DCC: variants seen among roughly 807,000 people sequenced by gnomAD.
DCC encodes the protein DCC netrin 1 receptor, also known as netrin receptor DCC.
A neutral mutation model predicts 172.5 loss-of-function variants in DCC; 58 were observed. The observed-to-expected ratio is 0.34, with a 90% confidence interval of 0.27 to 0.42. The LOEUF (loss-of-function observed/expected upper bound fraction) is 0.42. Among genes scored for constraint, DCC ranks in the 10% least tolerant of loss-of-function variants. DCC has a pLI of 1.00. For synonymous variants in DCC, 709 were observed against 644.5 expected (o/e 1.10, Z -1.52); for missense variants, 1,740 against 1,791.0 (o/e 0.97, Z 0.51).
intron 1 of DCC, among the ~76,000 whole-genome samples, chr18:52,353,875 T>C (rs1273851703): frequency 6.6e-6 from 1 of 152,182 alleles, no homozygotes; most frequent in Non-Finnish European, 1.5e-5. Context: ...TGAGTAGAGC[T>C]TTTGTGAAAG....
chr18:52,584,319 C>T (rs563059401), intron 1 of DCC, among the ~76,000 whole-genome samples: 1 of 152,198 alleles, frequency 6.6e-6, no homozygotes. Context: ...GGGAAGACTG[C>T]TCATTGGACG....
At chr18:52,934,155 C>G (rs2040348584) in intron 5 of DCC, among the ~76,000 whole-genome samples, 1 of 151,962 alleles carries the variant, frequency 6.6e-6, no homozygotes, top group African/African-American at 2.4e-5. Context: ...CAACTAGTCC[C>G]TACGTAGTTC....
chr18:52,617,219 T>C (rs754848371), intron 1 of DCC, among the ~76,000 whole-genome samples: 10 of 152,066 alleles, frequency 6.6e-5, no homozygotes, highest in Non-Finnish European at 1.3e-4. Context: ...CCCATAAATA[T>C]GTGTGATTAT....
intron 5 of DCC, among the ~76,000 whole-genome samples, chr18:52,980,825 A>G (rs367742643): frequency 1.3e-5 from 2 of 152,148 alleles, no homozygotes; most frequent in South Asian, 4.1e-4. Context: ...TAATTCATAA[A>G]GTGAAAGAAA....
At chr18:53,000,717 A>T (rs996471118) in intron 5 of DCC, among the ~76,000 whole-genome samples, 1 of 151,368 alleles carries the variant, frequency 6.6e-6, no homozygotes, top group African/African-American at 2.4e-5. Flanking sequence ...ACAGGAACTC[A>T]GTCAGAGCCA....
intron 7 of DCC, among the ~76,000 whole-genome samples, chr18:53,111,100 G>A (rs2043323586): frequency 6.7e-6 from 1 of 149,702 alleles, no homozygotes; most frequent in East Asian, 2.0e-4. Flanking sequence ...TCCTTTGTAG[G>A]GACATGGATG....
chr18:53,529,003 TTCTC>T lies in DCC; in HGVS notation c.4255-1528_4255-1525del, dbSNP rs144580817. Among the ~76,000 whole-genome samples the T allele has an allele frequency of 7.1e-3, 714 of 100,932 alleles. 6 individuals are homozygous for T. The highest frequency in any genetic ancestry group is 0.011 in the African/African-American group (327 of 29,798). The allele number at this position is 100,932 out of a possible 152,430, so 66.2% of individuals were successfully genotyped here. A position where few individuals can be genotyped will look rare whatever the true frequency, so the allele number is the denominator to read the frequency against. On this transcript the variant is annotated intron_variant, in intron 28 of 28. Coordinates refer to ENST00000442544, the MANE Select transcript of DCC (RefSeq NM_005215.4). Reference sequence around the variant, plus strand: ...TGCCTAGTAATCCCCTCACTTCAACTTCTCTCTCTCTCTCTCTCTCTCTCTCTCT... The same window carrying T: ...TGCCTAGTAATCCCCTCACTTCAACTTCTCTCTCTCTCTCTCTCTCTCTCT...
At chr18:52,821,312 C>T (rs2082290) in intron 2 of DCC, among the ~76,000 whole-genome samples, 17,105 of 152,122 alleles carry the variant, frequency 0.11, 1,048 homozygotes, top group South Asian at 0.2. Flanking sequence ...TCTTTCCAAC[C>T]GAGGTGTATT....
At chr18:52,715,690 A>G (rs2036369015) in intron 1 of DCC, among the ~76,000 whole-genome samples, 1 of 152,004 alleles carries the variant, frequency 6.6e-6, no homozygotes, top group African/African-American at 2.4e-5. Flanking sequence ...GGCACTCCTA[A>G]AAGTGAATTG....
intron 1 of DCC, among the ~76,000 whole-genome samples, chr18:52,554,147 T>C (rs2032849013): frequency 6.6e-6 from 1 of 152,110 alleles, no homozygotes; most frequent in Non-Finnish European, 1.5e-5. Context: ...TTAGGCATTG[T>C]TGGATCACAA....
At chr18:53,168,786 G>A (rs952895835) in intron 8 of DCC, among the ~76,000 whole-genome samples, 2 of 152,018 alleles carry the variant, frequency 1.3e-5, no homozygotes, top group Non-Finnish European at 2.9e-5. Context: ...TGAACATAGG[G>A]GTCCTGGGGC....
chr18:53,521,572 T>A (rs944814391), intron 27 of DCC, among the ~76,000 whole-genome samples: 9 of 152,156 alleles, frequency 5.9e-5, no homozygotes, highest in African/African-American at 2.2e-4. Context: ...TCTAAAAGAA[T>A]CTTTACTTTT....
In DCC at chr18:52,340,811, T is replaced by G; in HGVS notation, c.24T>G (p.Val8=). The change falls in exon 1 of 29, where the codon GTT becomes GTG. Residue 8 remains valine (V), a synonymous_variant. Transcript: ENST00000442544. MENSLRC[V]WVPKLAFVLF... Reference sequence around the variant, plus strand: ...ATATGGAGAATAGTCTTAGATGTGTTTGGGTACCCAAGCTGGCTTTTGTAC... The same window carrying G: ...ATATGGAGAATAGTCTTAGATGTGTGTGGGTACCCAAGCTGGCTTTTGTAC... 2 of 1,614,086 alleles carry G rather than the reference T, an allele frequency of 1.2e-6. No homozygotes were observed. Among genetic ancestry groups the G allele is most frequent in the Non-Finnish European group, 1.7e-6 (2 of 1,179,986 alleles).
chr18:52,641,994 A>C (rs2034900653), intron 1 of DCC, among the ~76,000 whole-genome samples: 1 of 144,330 alleles, frequency 6.9e-6, no homozygotes, highest in African/African-American at 2.6e-5. Context: ...AAGTGGATAA[A>C]GAAACTGTGG....
At chr18:52,909,186 A>AT (rs2039932562) in intron 3 of DCC, among the ~76,000 whole-genome samples, 1 of 152,232 alleles carries the variant, frequency 6.6e-6, no homozygotes, top group South Asian at 2.1e-4. Context: ...TTATGAATCA[A>AT]TTTTCACTCT....
In DCC at chr18:53,205,202, AT is replaced by A. The variant is rs113770169; in HGVS notation, c.1574-7del. On this transcript the variant is annotated splice_polypyrimidine_tract_variant and intron_variant, in intron 9 of 28. Coordinates refer to ENST00000442544, the MANE Select transcript of DCC (RefSeq NM_005215.4). ...AATCACTTTTCTTTCTTTCTTTATT[AT>A]TTTTTTATACAGTGCAAGTTCCAGG... is the stretch of plus-strand genomic sequence containing the variant. 6 of 1,607,892 alleles carry A rather than the reference AT, an allele frequency of 3.7e-6. No homozygotes were observed. The highest frequency in any genetic ancestry group is 1.1e-5 in the South Asian group (1 of 90,896).
intron 1 of DCC, among the ~76,000 whole-genome samples, chr18:52,387,085 C>A (rs1985829428): frequency 6.6e-6 from 1 of 152,128 alleles, no homozygotes; most frequent in Non-Finnish European, 1.5e-5. Flanking sequence ...CTGAAAATGT[C>A]TTTCTCATAT....
intron 15 of DCC, among the ~76,000 whole-genome samples, chr18:53,366,018 C>G (rs2058001147): frequency 6.6e-6 from 1 of 152,046 alleles, no homozygotes; most frequent in African/African-American, 2.4e-5. Flanking sequence ...AATCCTTATT[C>G]TACCAGCTAT....
chr18:52,933,343 G>A (rs922831836), intron 5 of DCC, among the ~76,000 whole-genome samples: 1 of 151,872 alleles, frequency 6.6e-6, no homozygotes, highest in Non-Finnish European at 1.5e-5. Flanking sequence ...AGGCCGAAGA[G>A]CTGTTGAGAA....
Sources: allele counts gnomAD v4.1 joint callset (sites outside exome capture counted in the v4.1 genomes callset), GRCh38; gene constraint gnomAD v4.1.1; transcripts MANE v1.5; gene names NCBI Gene and HGNC (gene_info 2026-07-23, HGNC 2026-07-21).